The following ZNF461 variants were observed in gnomAD, a reference collection of about 807,000 sequenced individuals.
ZNF461 encodes the protein gonadotropin-inducible ovarian transcription factor-1.
Under a neutral mutation model 18.3 loss-of-function variants are expected in ZNF461, and 16 were observed. That is an observed-to-expected ratio of 0.88 (90% confidence interval 0.59 to 1.33). The LOEUF is 1.33. Ranked by LOEUF, ZNF461 falls within the 40% of genes most tolerant of loss-of-function variation. The probability of loss-of-function intolerance (pLI) is 0.00; values close to 1 mark genes in which losing one functional copy is unlikely to be tolerated. For missense variants in ZNF461, 595 were observed against 669.9 expected (o/e 0.89, Z 1.23); for synonymous variants, 179 against 216.9 (o/e 0.83, Z 1.54).
chr19:36,664,101 A>C (rs930277129), intron 2 of ZNF461, among the ~76,000 whole-genome samples: 12 of 152,192 alleles, frequency 7.9e-5, no homozygotes, highest in African/African-American at 2.9e-4. Context: ...TCTTCAAAAC[A>C]ATATTATTTG....
Position 36,658,487 on chromosome 19 carries a change from A to T in ZNF461, c.10-62T>A, listed in dbSNP as rs1436369495. 4 of 1,494,070 alleles carry T rather than the reference A, an allele frequency of 2.7e-6. No homozygotes were observed. In the Admixed American group the frequency reaches 6.4e-5, roughly 24 times the overall value. The allele number at this position is 1,494,070 out of a possible 1,614,324, so 92.6% of individuals were successfully genotyped here. A position where few individuals can be genotyped will look rare whatever the true frequency, so the allele number is the denominator to read the frequency against. The stretch of plus-strand genomic sequence containing the variant: ...TAAGAAATGTTTTTAAAAAGAAAAG[A>T]GAAGTGCTAAAAGAAGGTACTGCAA... On this transcript the variant is annotated intron_variant, in intron 2 of 5. Coordinates refer to ENST00000588268, the MANE Select transcript of ZNF461 (RefSeq NM_153257.5).
intron 5 of ZNF461, chr19:36,643,401 T>C (rs750580427): frequency 6.5e-6 from 1 of 152,836 alleles, no homozygotes; most frequent in Non-Finnish European, 1.5e-5. Context: ...CAGTACCACA[T>C]GTGAGGTTCA....
intron 4 of ZNF461, among the ~76,000 whole-genome samples, chr19:36,649,713 C>CA (rs906914454): frequency 1.3e-5 from 2 of 151,414 alleles, no homozygotes; most frequent in Non-Finnish European, 2.9e-5. Context: ...CTCCCACACA[C>CA]AAAAAAATAA....
chr19:36,657,278 C>T lies in ZNF461; in HGVS notation c.137-735G>A, dbSNP rs543671516. 4.0e-3 allele frequency among the ~76,000 whole-genome samples: 609 copies of T among 151,028 alleles called. 3 individuals are homozygous for T. The highest frequency in any genetic ancestry group is 7.6e-3 in the Non-Finnish European group (516 of 67,750). The stretch of plus-strand genomic sequence containing the variant: ...GGTGGATCACTTGAGATCAGGAATT[C>T]GAGACCAGCCTGGCCAACATGGTGA... On this transcript the variant is annotated intron_variant, in intron 3 of 5. Transcript: ENST00000588268.
rs769072950 is a variant in ZNF461 at position 36,656,509 on chromosome 19, TGAG to T, written c.168_170del (p.Ser57del). 13 of 1,614,060 alleles carry T rather than the reference TGAG, an allele frequency of 8.1e-6. No individual in the cohort carries two copies. In the African/African-American group the frequency reaches 1.6e-4, roughly 20 times the overall value. On this transcript the variant is annotated inframe_deletion, in exon 4 of 6. Transcript: ENST00000588268. Reference sequence around the variant, plus strand: ...TCCAGGGCTCCTTCCCTTGCTCCAATGAGGAGATTACGGCTGGCTTAGAAACAG... The same window carrying T: ...TCCAGGGCTCCTTCCCTTGCTCCAATGAGATTACGGCTGGCTTAGAAACAG...
chr19:36,666,187 C>A (rs367675622), intron 1 of ZNF461, among the ~76,000 whole-genome samples: 1 of 151,776 alleles, frequency 6.6e-6, no homozygotes, highest in African/African-American at 2.4e-5. Context: ...CTCCGCCTCC[C>A]GGGTTCAAGC....
chr19:36,652,511 A>AC (rs1249353056), intron 4 of ZNF461, among the ~76,000 whole-genome samples: 2 of 151,508 alleles, frequency 1.3e-5, no homozygotes, highest in African/African-American at 2.4e-5. Context: ...AAAAAAAAAA[A>AC]AAACAAAAAC....
intron 5 of ZNF461, among the ~76,000 whole-genome samples, chr19:36,641,105 G>A (rs867022401): frequency 3.9e-5 from 6 of 152,144 alleles, no homozygotes; most frequent in Middle Eastern, 3.4e-3. Flanking sequence ...TTTGTATAGC[G>A]GGCTTCATTT....
intron 3 of ZNF461, 88 bp downstream of exon 3, chr19:36,658,210 AG>A (rs1600441768): frequency 3.6e-6 from 5 of 1,378,112 alleles, no homozygotes; most frequent in Middle Eastern, 2.0e-4. Flanking sequence ...CTAAATTAAT[AG>A]GGGGGAAAGC....
chr19:36,657,921 C>T (rs181939422), intron 3 of ZNF461, among the ~76,000 whole-genome samples: 1 of 152,322 alleles, frequency 6.6e-6, no homozygotes, highest in East Asian at 1.9e-4. Flanking sequence ...AAGCTTCACT[C>T]CTGGAACCCA....
intron 2 of ZNF461, 103 bp downstream of exon 2, chr19:36,664,595 A>C: frequency 1.3e-6 from 1 of 770,972 alleles, no homozygotes; most frequent in Non-Finnish European, 1.8e-6. Context: ...CTATGTCTCA[A>C]AAAAAAAAAA....
chr19:36,642,222 A>T (rs1326954493), intron 5 of ZNF461, among the ~76,000 whole-genome samples: 1 of 152,098 alleles, frequency 6.6e-6, no homozygotes. Flanking sequence ...ACGAGCCACC[A>T]CACCAGACCC....
chr19:36,657,454 T>G (rs1395869268), intron 3 of ZNF461, among the ~76,000 whole-genome samples: 7 of 150,178 alleles, frequency 4.7e-5, no homozygotes, highest in Non-Finnish European at 8.9e-5. Flanking sequence ...CACTCTAGCC[T>G]GGGCAACAAA....
intron 3 of ZNF461, 139 bp downstream of exon 3, chr19:36,658,160 A>T: frequency 1.2e-6 from 1 of 865,548 alleles, no homozygotes; most frequent in Non-Finnish European, 1.8e-6. Context: ...TTTCTACAAT[A>T]CATAAAGAGA....
intron 4 of ZNF461, among the ~76,000 whole-genome samples, chr19:36,655,538 G>A (rs1003946714): frequency 2.6e-5 from 4 of 152,152 alleles, no homozygotes; most frequent in Non-Finnish European, 5.9e-5. Flanking sequence ...GGCAGAGGTT[G>A]CAGTGAGCTG....
At chr19:36,649,834 T>C (rs2037595707) in intron 4 of ZNF461, among the ~76,000 whole-genome samples, 1 of 152,194 alleles carries the variant, frequency 6.6e-6, no homozygotes, top group Non-Finnish European at 1.5e-5. Flanking sequence ...TCAAAACATA[T>C]TGTAGACCAT....
chr19:36,646,288 G>T (rs956694288), intron 4 of ZNF461, among the ~76,000 whole-genome samples: 1 of 151,968 alleles, frequency 6.6e-6, no homozygotes, highest in Non-Finnish European at 1.5e-5. Context: ...GTGCCACCAC[G>T]CCCGGCTAAT....
intron 4 of ZNF461, 111 bp downstream of exon 4, chr19:36,656,337 A>G: frequency 1.2e-6 from 1 of 852,794 alleles, no homozygotes; most frequent in South Asian, 1.4e-5. Context: ...TCTTTGTAAT[A>G]TGTTTTGAAA....
chr19:36,638,264 T>C lies in ZNF461; in HGVS notation c.*389A>G, dbSNP rs2037335016. On this transcript the variant is annotated 3_prime_UTR_variant, in exon 6 of 6. Coordinates refer to ENST00000588268, the MANE Select transcript of ZNF461 (RefSeq NM_153257.5). ...GGGGGTAAAAGCTCCTCCAAACACA[T>C]GCAAAAAATGCTTTCTGTGTACAGG... 1 of 179,374 alleles carries C rather than the reference T, an allele frequency of 5.6e-6. No individual in the cohort carries two copies. The highest frequency in any genetic ancestry group is 2.4e-5 in the African/African-American group (1 of 41,686). 11.1% of individuals were successfully genotyped at this position (179,374 alleles called of 1,614,324 possible).
Sources: gnomAD v4.1 joint callset for allele counts (sites outside exome capture counted in the v4.1 genomes callset) on GRCh38, gnomAD v4.1.1 for gene constraint, MANE v1.5 for transcripts, NCBI Gene and HGNC (gene_info 2026-07-23, HGNC 2026-07-21) for gene names.